The following IL2RB variants were observed in gnomAD, a reference collection of about 807,000 sequenced individuals.
IL2RB encodes the protein interleukin 2 receptor subunit beta, also known as interleukin-2 receptor subunit beta.
In IL2RB, 17 loss-of-function variants were observed where a neutral mutation model predicts 44.2. That is an observed-to-expected ratio of 0.38 (90% CI 0.26 to 0.58). The LOEUF is 0.58. IL2RB is among the 20% of genes least tolerant of loss of function. The probability of loss-of-function intolerance (pLI) is 0.63; values close to 1 mark genes in which losing one functional copy is unlikely to be tolerated. For synonymous variants in IL2RB, 286 were observed against 297.9 expected (o/e 0.96, Z 0.41); for missense variants, 624 against 685.5 (o/e 0.91, Z 1.00).
upstream of IL2RB, among the ~76,000 whole-genome samples, chr22:37,150,218 C>T (rs1341606424): frequency 6.6e-6 from 1 of 151,952 alleles, no homozygotes; most frequent in Non-Finnish European, 1.5e-5. Flanking sequence ...ATCACCCCCA[C>T]GCCAACTCAC....
intron 1 of IL2RB, among the ~76,000 whole-genome samples, chr22:37,172,859 T>G (rs1043124339): frequency 2.1e-4 from 32 of 152,124 alleles, no homozygotes; most frequent in African/African-American, 7.7e-4. Flanking sequence ...GGCACAAGCC[T>G]CCTCATAGAC....
At chr22:37,143,761 G>A in intron 2 of IL2RB, 126 bp from the exon 3 acceptor site, 1 of 722,572 alleles carries the variant, frequency 1.4e-6, no homozygotes, top group South Asian at 1.6e-5. Flanking sequence ...CTGGCAAGCG[G>A]AGAAGGGATT....
At chr22:37,155,447 T>A (rs743776) in intron 1 of IL2RB, among the ~76,000 whole-genome samples, 2 of 152,140 alleles carry the variant, frequency 1.3e-5, no homozygotes, top group African/African-American at 2.4e-5. Context: ...TTGACCCACA[T>A]GTCCTACAGG....
intron 1 of IL2RB, among the ~76,000 whole-genome samples, chr22:37,145,321 G>T (rs546623602): frequency 2.1e-4 from 32 of 152,140 alleles, no homozygotes; most frequent in Non-Finnish European, 4.3e-4. Context: ...ATACCCCAGG[G>T]AGGAAAGAGA....
chr22:37,136,405 A>T lies in IL2RB; in HGVS notation c.538-12T>A, dbSNP rs201941053. On this transcript the variant is annotated splice_polypyrimidine_tract_variant and intron_variant, in intron 6 of 9. Coordinates refer to ENST00000216223, the MANE Select transcript of IL2RB (RefSeq NM_000878.5). ...AGCAGGGGGGCCTCCTGGGTCGGAG[A>T]CAGGACTGTCAGCGCCCACCTCACC... The T allele has an allele frequency of 4.4e-6, 7 of 1,602,284 alleles. No individual in the cohort carries two copies. The Admixed American group carries it at 1.0e-4, about 23-fold the overall frequency.
chr22:37,139,827 A>G (rs1467437019), intron 4 of IL2RB, among the ~76,000 whole-genome samples: 1 of 152,090 alleles, frequency 6.6e-6, no homozygotes, highest in African/African-American at 2.4e-5. Context: ...CATCCATCCC[A>G]TGGTATGGGT....
intron 1 of IL2RB, 23 bp from the exon 2 acceptor site, chr22:37,144,228 G>C (rs926857815): frequency 6.5e-7 from 1 of 1,529,700 alleles, no homozygotes; most frequent in African/African-American, 1.4e-5. Context: ...GAGAAAGAGA[G>C]AGCACACGTA....
At position 37,128,617 on chromosome 22, in the gene IL2RB, G is replaced by C; in HGVS notation, c.1135C>G (p.Gln379Glu). The change falls in exon 10 of 10, where the codon CAG becomes GAG. Residue 379 changes from glutamine to glutamate, a missense_variant. Gln to Glu is a conservative substitution (Grantham distance 29). Around this residue, in one of 3 missense-constraint regions of IL2RB, gnomAD observed 291 missense variants for 275.5 expected, o/e 1.06. Coordinates refer to ENST00000216223, the MANE Select transcript of IL2RB (RefSeq NM_000878.5). The surrounding 1 kb of genome is among the most constrained non-coding windows in gnomAD (Gnocchi z 4.5). ...LPDALEIEAC[Q>E]VYFTYDPYSE... ...TAGGGGTCGTAAGTAAAGTACACCT[G>C]GCAGGCCTCTATCTCCAAGGCATCC... 1 of 1,614,124 alleles carries C rather than the reference G, an allele frequency of 6.2e-7. No homozygotes were observed. Among genetic ancestry groups the C allele is most frequent in the South Asian group, 1.1e-5 (1 of 91,090 alleles).
intron 9 of IL2RB, among the ~76,000 whole-genome samples, chr22:37,131,305 G>C (rs1921412360): frequency 6.6e-6 from 1 of 152,104 alleles, no homozygotes; most frequent in Admixed American, 6.5e-5. Context: ...GACAGCTCTG[G>C]TCCGGCATGG....
chr22:37,144,169 C>T lies in IL2RB; in HGVS notation c.4G>A (p.Ala2Thr), dbSNP rs1471340783. ...AGACGCCAGGACAGAGCAGGGGCCG[C>T]CATTACATCCACAGGGTGGAGCCGA... Reference protein sequence around the residue: MAAPALSWRLPL... With the variant: MTAPALSWRLPL... The change falls in exon 2 of 10, where the codon GCG (alanine) becomes ACG (threonine). Residue 2 changes from alanine to threonine, a missense_variant. By Grantham distance (58) the Ala-to-Thr change is moderately conservative. Around this residue, in one of 3 missense-constraint regions of IL2RB, gnomAD observed 78 missense variants for 70.0 expected, o/e 1.11. Transcript: ENST00000216223. 6.4e-7 allele frequency: 1 copy of T among 1,551,108 alleles called. No homozygotes were observed. The highest frequency in any genetic ancestry group is 8.7e-7 in the Non-Finnish European group (1 of 1,146,728).
chr22:37,152,377 G>A (rs1176547863), upstream of IL2RB, among the ~76,000 whole-genome samples: 1 of 152,090 alleles, frequency 6.6e-6, no homozygotes, highest in Non-Finnish European at 1.5e-5. Flanking sequence ...ATTGTTTGCT[G>A]TTGGTACATA....
At chr22:37,157,934 A>C (rs1922735143) in intron 1 of IL2RB, among the ~76,000 whole-genome samples, 1 of 152,248 alleles carries the variant, frequency 6.6e-6, no homozygotes, top group Non-Finnish European at 1.5e-5. Flanking sequence ...GAGAATACAC[A>C]TTAAAAACAC....
intron 8 of IL2RB, among the ~76,000 whole-genome samples, chr22:37,134,248 A>G (rs139775500): frequency 6.6e-6 from 1 of 152,370 alleles, no homozygotes; most frequent in African/African-American, 2.4e-5. Flanking sequence ...GTAATCTAGG[A>G]GATGACCTAA....
chr22:37,160,123 A>G (rs559842151), intron 1 of IL2RB, among the ~76,000 whole-genome samples: 2 of 152,354 alleles, frequency 1.3e-5, no homozygotes, highest in East Asian at 3.9e-4. Context: ...CTTCACATCC[A>G]TGGCCAGAGG....
Position 37,128,995 on chromosome 22 carries a change from AGCCCC to A in IL2RB, c.904-152_904-148del, listed in dbSNP as rs1383457805. The A allele has an allele frequency of 8.7e-5, 86 of 993,922 alleles. 1 individual carries two copies. The Middle Eastern group carries it at 1.6e-3, about 19-fold the overall frequency. The allele number at this position is 993,922 out of a possible 1,614,324, so 61.6% of individuals were successfully genotyped here. Reference sequence around the variant, plus strand: ...CATCCAGGAAGCTCTCCCTGATTATAGCCCCGCACTCCCCCAACCCACCCACTGGC... The same window carrying A: ...CATCCAGGAAGCTCTCCCTGATTATAGCACTCCCCCAACCCACCCACTGGC... On this transcript the variant is annotated intron_variant, in intron 9 of 9. Coordinates refer to ENST00000216223, the MANE Select transcript of IL2RB (RefSeq NM_000878.5). This position sits in a 1 kb window ranked among gnomAD's most constrained non-coding sequence, Gnocchi z 4.5.
At chr22:37,133,239 G>C (rs559363505) in intron 8 of IL2RB, among the ~76,000 whole-genome samples, 15 of 152,314 alleles carry the variant, frequency 9.8e-5, no homozygotes, top group Admixed American at 9.8e-4. Context: ...CCATGCCTGG[G>C]AGAGGACCTC....
At position 37,136,267 on chromosome 22, in the gene IL2RB, G is replaced by T; in HGVS notation, c.664C>A (p.Pro222Thr). The T allele has an allele frequency of 6.2e-7, 1 of 1,612,458 alleles. No homozygotes were observed. The highest frequency in any genetic ancestry group is 8.5e-7 in the Non-Finnish European group (1 of 1,179,736). Residue 222 changes from proline (P) to threonine (T), a missense_variant, in exon 7 of 10, where the codon CCC becomes ACC. Transcript: ENST00000216223. ...PLQGEFTTWSPWSQPLAFRTK... is the reference protein window; with the variant it reads ...PLQGEFTTWSTWSQPLAFRTK... Reference sequence around the variant, plus strand: ...CTGAAGGCCAGGGGCTGGCTCCAGGGGCTCCAGGTCGTGAACTCGCCTTGC... The same window carrying T: ...CTGAAGGCCAGGGGCTGGCTCCAGGTGCTCCAGGTCGTGAACTCGCCTTGC...
chr22:37,137,015 A>G (rs1042623336), intron 6 of IL2RB, among the ~76,000 whole-genome samples: 5 of 152,038 alleles, frequency 3.3e-5, no homozygotes, highest in African/African-American at 1.2e-4. Flanking sequence ...TCTTGATGGA[A>G]CTTATCACTA....
rs770262548 is a variant in IL2RB, at chr22:37,128,333, C to A, written c.1419G>T (p.Gly473=). 15 of 1,502,152 alleles carry A rather than the reference C, an allele frequency of 1.0e-5. No individual in the cohort carries two copies. Among genetic ancestry groups the A allele is most frequent in the African/African-American group, 1.4e-5 (1 of 71,186 alleles). The allele number at this position is 1,502,152 out of a possible 1,614,324, so 93.1% of individuals were successfully genotyped here. A position where few individuals can be genotyped will look rare whatever the true frequency, so the allele number is the denominator to read the frequency against. ...VPRDWDPQPL[G]PPTPGVPDLV... is the part of the protein sequence containing the mutation. ...GGTCTGGGACTCCTGGGGTGGGAGG[C>A]CCCAGGGGCTGGGGGTCCCAGTCTC... The change falls in exon 10 of 10, where the codon GGG becomes GGT. Residue 473 remains glycine (G), a synonymous_variant. Transcript: ENST00000216223. This position sits in a 1 kb window ranked among gnomAD's most constrained non-coding sequence, Gnocchi z 4.5.
Sources: allele counts gnomAD v4.1 joint callset (sites outside exome capture counted in the v4.1 genomes callset), GRCh38; gene constraint gnomAD v4.1.1; regional missense constraint gnomAD v4.1.1; non-coding constraint Gnocchi (gnomAD v3.1); transcripts MANE v1.5; gene names NCBI Gene and HGNC (gene_info 2026-07-23, HGNC 2026-07-21).